FBXL5: variants seen among roughly 807,000 people sequenced by gnomAD.
FBXL5 encodes the protein F-box/LRR-repeat protein 5.
FBXL5 carries 26 observed loss-of-function variants against 78.3 expected under a neutral mutation model. The ratio of observed to expected loss-of-function variants is 0.33; its 90% CI spans 0.24 to 0.46. The LOEUF is 0.46. Among genes scored for constraint, FBXL5 ranks in the 20% least tolerant of loss-of-function variants. FBXL5 has a pLI of 1.00. For synonymous variants in FBXL5, 295 were observed against 282.5 expected, an observed-to-expected ratio of 1.04 and a Z score of -0.45; for missense variants, 710 against 829.2, an observed-to-expected ratio of 0.86 and a Z score of 1.77.
chr4:15,617,493 A>T (rs1712018664), intron 9 of FBXL5, among the ~76,000 whole-genome samples: 1 of 150,478 alleles, frequency 6.6e-6, no homozygotes, highest in African/African-American at 2.4e-5. Context: ...GGTTGCAGTG[A>T]GCCAAGATCG....
intron 7 of FBXL5, among the ~76,000 whole-genome samples, chr4:15,627,186 G>C (rs62290586): frequency 0.072 from 10,699 of 148,480 alleles, 484 homozygotes; most frequent in Middle Eastern, 0.1. Context: ...CCAGGCTGGA[G>C]GGCAGTGGCA....
chr4:15,631,206 T>C (rs922797102), intron 5 of FBXL5, among the ~76,000 whole-genome samples: 1 of 152,220 alleles, frequency 6.6e-6, no homozygotes, highest in African/African-American at 2.4e-5. Context: ...CTAAGACTGA[T>C]GGTTTCCAGC....
intron 8 of FBXL5, among the ~76,000 whole-genome samples, chr4:15,626,364 C>G (rs746852719): frequency 6.6e-6 from 1 of 152,052 alleles, no homozygotes; most frequent in Non-Finnish European, 1.5e-5. Context: ...AGCTTTAGCC[C>G]GAGAAGAGTA....
rs764935939 is a variant in FBXL5, at chr4:15,644,679, G to A, written c.114C>T (p.Asn38=). Residue 38 remains asparagine, a synonymous_variant, in exon 2 of 11, where the codon AAC becomes AAT. Transcript: ENST00000341285. The stretch of plus-strand genomic sequence containing the variant: ...AAGACTGCAGAAGAGCACGGAAATC[G>A]TTGTTGTTGGAAAAATTGGTTTTAG... The part of the protein sequence containing the change: ...KLSKTNFSNN[N]DFRALLQSLY... The A allele has an allele frequency of 4.4e-6, 7 of 1,609,042 alleles. No homozygotes were observed. In the Admixed American group the frequency reaches 5.1e-5, roughly 12 times the overall value.
At chr4:15,638,064 A>T (rs1231116034) in intron 4 of FBXL5, among the ~76,000 whole-genome samples, 2 of 152,182 alleles carry the variant, frequency 1.3e-5, no homozygotes, top group Non-Finnish European at 2.9e-5. Context: ...AACTATAAAC[A>T]TAACTAATTT....
At chr4:15,648,538 C>T (rs112376650) in intron 1 of FBXL5, among the ~76,000 whole-genome samples, 3 of 152,120 alleles carry the variant, frequency 2.0e-5, no homozygotes, top group African/African-American at 7.2e-5. Flanking sequence ...AAATATTATT[C>T]AGTCATAAAA....
At chr4:15,664,596 C>T (rs1426442593), upstream of FBXL5, among the ~76,000 whole-genome samples, 5 of 113,000 alleles carry the variant, frequency 4.4e-5, no homozygotes, top group Admixed American at 5.1e-4. Flanking sequence ...TCACTCTTGT[C>T]ACCCAGGCTG....
At chr4:15,628,952 T>C (rs1404847684) in intron 6 of FBXL5, among the ~76,000 whole-genome samples, 1 of 152,094 alleles carries the variant, frequency 6.6e-6, no homozygotes, top group Non-Finnish European at 1.5e-5. Flanking sequence ...TTTATTGATA[T>C]ACAATAATTA....
intron 5 of FBXL5, among the ~76,000 whole-genome samples, chr4:15,633,104 GAGA>G (rs1449559926): frequency 1.3e-5 from 2 of 152,262 alleles, no homozygotes; most frequent in African/African-American, 4.8e-5. Context: ...CAGACACACT[GAGA>G]AGAACTATGA....
intron 1 of FBXL5, among the ~76,000 whole-genome samples, chr4:15,678,866 T>C (rs1349534188): frequency 6.6e-6 from 1 of 152,188 alleles, no homozygotes; most frequent in African/African-American, 2.4e-5. Flanking sequence ...ATTCTGTTTC[T>C]CACTCTACTG....
chr4:15,632,233 G>A (rs1414899086), intron 5 of FBXL5, among the ~76,000 whole-genome samples: 1 of 152,082 alleles, frequency 6.6e-6, no homozygotes, highest in Non-Finnish European at 1.5e-5. Flanking sequence ...TAGATGTGTG[G>A]TGTCATTTCT....
chr4:15,615,235 A>G (rs1212789595), intron 9 of FBXL5, among the ~76,000 whole-genome samples: 2 of 152,024 alleles, frequency 1.3e-5, no homozygotes, highest in African/African-American at 4.8e-5. Flanking sequence ...AGCCTCCCCA[A>G]CGAGCACTAC....
chr4:15,662,670 T>C (rs993812397), upstream of FBXL5, among the ~76,000 whole-genome samples: 3 of 152,214 alleles, frequency 2.0e-5, no homozygotes, highest in African/African-American at 7.2e-5. Context: ...TAAAAATTGT[T>C]TTTTTCAATA....
At chr4:15,670,019 G>C (rs909829522) in intron 1 of FBXL5, among the ~76,000 whole-genome samples, 5 of 152,180 alleles carry the variant, frequency 3.3e-5, no homozygotes, top group Non-Finnish European at 2.9e-5. Context: ...TAGAGCTACT[G>C]TATTGTTATA....
intron 7 of FBXL5, among the ~76,000 whole-genome samples, 176 bp from the exon 8 acceptor site, chr4:15,627,131 C>G (rs68037177): frequency 3.4e-5 from 3 of 87,826 alleles, no homozygotes; most frequent in African/African-American, 4.6e-5. Context: ...CTGAGAATCT[C>G]TTTTTTTTTT....
At chr4:15,635,060 G>A (rs769204941) in intron 5 of FBXL5, among the ~76,000 whole-genome samples, 18 of 152,034 alleles carry the variant, frequency 1.2e-4, no homozygotes, top group Admixed American at 8.5e-4. Context: ...GGCCGGGCAC[G>A]GTGGCTCAAG....
intron 6 of FBXL5, among the ~76,000 whole-genome samples, chr4:15,629,991 T>C (rs549229673): frequency 6.6e-6 from 1 of 152,284 alleles, no homozygotes; most frequent in African/African-American, 2.4e-5. Context: ...AGAATTTGTT[T>C]TCCTCCTCAC....
chr4:15,623,371 A>G (rs1712676471), intron 9 of FBXL5, among the ~76,000 whole-genome samples: 1 of 152,134 alleles, frequency 6.6e-6, no homozygotes, highest in African/African-American at 2.4e-5. Flanking sequence ...AAACTGCCAC[A>G]TGGTCAGAAG....
intron 5 of FBXL5, among the ~76,000 whole-genome samples, chr4:15,631,177 C>G (rs967221341): frequency 6.6e-6 from 1 of 152,062 alleles, no homozygotes; most frequent in African/African-American, 2.4e-5. Context: ...ATTTGGTTTT[C>G]TGTCCTTGTG....
Sources: allele counts gnomAD v4.1 joint callset (sites outside exome capture counted in the v4.1 genomes callset), GRCh38; gene constraint gnomAD v4.1.1; transcripts MANE v1.5; gene names NCBI Gene and HGNC (gene_info 2026-07-23, HGNC 2026-07-21).